Variants in IQGAP2 observed in about 807,000 individuals in gnomAD.
The protein encoded by IQGAP2 is IQ motif containing GTPase activating protein 2.
In IQGAP2, 173 loss-of-function variants were observed where a neutral mutation model predicts 201.3. That is an observed-to-expected ratio of 0.86 (90% CI 0.76 to 0.98). The LOEUF is 0.98. Ranked by LOEUF, IQGAP2 falls within the 50% of genes least tolerant of loss-of-function variation. IQGAP2 has a pLI of 0.00. For missense variants in IQGAP2, 1,687 were observed against 1,864.8 expected (o/e 0.90, Z 1.76); for synonymous variants, 675 against 673.9 (o/e 1.00, Z -0.03).
intron 32 of IQGAP2, among the ~76,000 whole-genome samples, chr5:76,696,461 T>C (rs1371864864): frequency 4.6e-5 from 7 of 152,246 alleles, no homozygotes; most frequent in Non-Finnish European, 8.8e-5. Context: ...TCACAGGAAG[T>C]GGCTGAGATC....
intron 13 of IQGAP2, among the ~76,000 whole-genome samples, chr5:76,619,104 T>G (rs563111334): frequency 8.5e-5 from 13 of 152,366 alleles, no homozygotes; most frequent in African/African-American, 3.1e-4. Flanking sequence ...TGGGCTATCA[T>G]GGGATCTGGG....
intron 2 of IQGAP2, among the ~76,000 whole-genome samples, chr5:76,558,742 T>C (rs1482815058): frequency 2.0e-5 from 3 of 152,184 alleles, no homozygotes; most frequent in Non-Finnish European, 4.4e-5. Context: ...CAAATTCTTA[T>C]CACCAACACC....
chr5:76,536,663 G>A (rs1759639298), intron 2 of IQGAP2, among the ~76,000 whole-genome samples: 1 of 151,816 alleles, frequency 6.6e-6, no homozygotes, highest in East Asian at 2.0e-4. Context: ...GGAGGCTGAG[G>A]CAGGGAGAAT....
chr5:76,488,155 C>G (rs1374522593), intron 2 of IQGAP2, among the ~76,000 whole-genome samples: 1 of 152,178 alleles, frequency 6.6e-6, no homozygotes, highest in South Asian at 2.1e-4. Flanking sequence ...TAGCAGTGAG[C>G]ACAGTTTCCT....
chr5:76,677,138 C>G, intron 27 of IQGAP2, 80 bp from the exon 28 acceptor site: 1 of 1,384,748 alleles, frequency 7.2e-7, no homozygotes, highest in Non-Finnish European at 9.9e-7. Context: ...TGTCATCATT[C>G]AAAATTTCCT....
intron 1 of IQGAP2, among the ~76,000 whole-genome samples, chr5:76,438,528 C>T (rs1013573683): frequency 6.6e-6 from 1 of 152,052 alleles, no homozygotes; most frequent in Admixed American, 6.6e-5. Flanking sequence ...CTGCAACCTC[C>T]ACCTCCCAGG....
intron 2 of IQGAP2, among the ~76,000 whole-genome samples, chr5:76,516,438 C>A (rs1037532915): frequency 1.3e-5 from 2 of 151,986 alleles, no homozygotes; most frequent in African/African-American, 4.8e-5. Context: ...AAACTTAAGT[C>A]AACTTGTGAT....
chr5:76,698,147 A>G lies in IQGAP2; in HGVS notation c.4367A>G (p.Lys1456Arg). ...ACTTGTTTAGACAACTTAAAAAGAAAGTAAGTTAAAATCATGTCATGTTCA... is the reference window on the plus strand; with the variant it reads ...ACTTGTTTAGACAACTTAAAAAGAAGGTAAGTTAAAATCATGTCATGTTCA... ...IKTCLDNLKR[K>R]NTRRSIKLDG... The change falls in exon 33 of 36, where the codon AAA (lysine) becomes AGA (arginine). Residue 1456 changes from lysine (K) to arginine (R), a missense_variant and splice_region_variant. Transcript: ENST00000274364. 1 of 1,566,206 alleles carries G rather than the reference A, an allele frequency of 6.4e-7. No individual in the cohort carries two copies. Among genetic ancestry groups the G allele is most frequent in the South Asian group, 1.1e-5 (1 of 87,862 alleles).
intron 2 of IQGAP2, among the ~76,000 whole-genome samples, chr5:76,486,498 A>G (rs543836985): frequency 2.6e-5 from 4 of 152,310 alleles, no homozygotes; most frequent in Middle Eastern, 3.4e-3. Flanking sequence ...CATAAATTTC[A>G]TCAATTTCAG....
intron 14 of IQGAP2, among the ~76,000 whole-genome samples, chr5:76,629,268 T>G (rs1355305748): frequency 1.3e-5 from 2 of 152,294 alleles, no homozygotes; most frequent in East Asian, 1.9e-4. Context: ...TTTTCTGACT[T>G]TCAACAAGAA....
At position 76,674,504 on chromosome 5, in the gene IQGAP2, T is replaced by G. The variant is rs1323114824; in HGVS notation, c.3322T>G (p.Tyr1108Asp). ...TGTTGGAAACCTCCTGTACTATCGG[T>G]ACATGAATCCAGCCATTGTAGCTCC... ...KIVGNLLYYR[Y>D]MNPAIVAPDG... is the part of the protein sequence containing the mutation. The change falls in exon 27 of 36, where the codon TAC becomes GAC. Residue 1108 changes from tyrosine to aspartate, a missense_variant. Coordinates refer to ENST00000274364, the MANE Select transcript of IQGAP2 (RefSeq NM_006633.5). 6.2e-7 allele frequency: 1 copy of G among 1,613,896 alleles called. No individual in the cohort carries two copies. The highest frequency in any genetic ancestry group is 1.1e-5 in the South Asian group (1 of 91,078).
chr5:76,657,132 A>C (rs542061658), intron 20 of IQGAP2, among the ~76,000 whole-genome samples: 1 of 152,370 alleles, frequency 6.6e-6, no homozygotes, highest in South Asian at 2.1e-4. Flanking sequence ...AATTCGAGCC[A>C]TAACAATTAG....
chr5:76,518,896 A>G (rs1580369282), intron 2 of IQGAP2, among the ~76,000 whole-genome samples: 1 of 152,278 alleles, frequency 6.6e-6, no homozygotes, highest in East Asian at 1.9e-4. Context: ...TTGAGTTTCA[A>G]GTTTTTGGCT....
intron 4 of IQGAP2, among the ~76,000 whole-genome samples, chr5:76,571,341 A>ATTTTTG (rs912378419): frequency 1.8e-4 from 27 of 151,884 alleles, no homozygotes; most frequent in African/African-American, 5.3e-4. Flanking sequence ...TGCCCAGCTA[A>ATTTTTG]TTTTTGTTTT....
intron 2 of IQGAP2, among the ~76,000 whole-genome samples, chr5:76,548,783 A>G (rs1743254774): frequency 6.6e-6 from 1 of 152,230 alleles, no homozygotes; most frequent in Non-Finnish European, 1.5e-5. Flanking sequence ...TGCCATTGGC[A>G]TTATCAGTAG....
Position 76,677,483 on chromosome 5 carries a change from G to A in IQGAP2, c.3660+133G>A, listed in dbSNP as rs779818938. The A allele has an allele frequency of 1.3e-5, 9 of 700,832 alleles. No individual in the cohort carries two copies. The South Asian group carries it at 1.7e-4, about 13-fold the overall frequency. The allele number at this position is 700,832 out of a possible 1,614,324, so 43.4% of individuals were successfully genotyped here. On this transcript the variant is annotated intron_variant, in intron 28 of 35. Transcript: ENST00000274364. ...TCATATTCTTAACCCTAAAAATCTCGCAATTATTTATTCCATGACTCTTAT... is the reference window on the plus strand; with the variant it reads ...TCATATTCTTAACCCTAAAAATCTCACAATTATTTATTCCATGACTCTTAT...
chr5:76,600,996 C>CT (rs1425755233), intron 11 of IQGAP2, 24 bp downstream of exon 11: 1 of 1,602,266 alleles, frequency 6.2e-7, no homozygotes, highest in Non-Finnish European at 8.5e-7. Flanking sequence ...TCCAAACCTT[C>CT]TTTCAATGCA....
intron 5 of IQGAP2, among the ~76,000 whole-genome samples, chr5:76,582,397 G>A (rs1192063614): frequency 6.6e-6 from 1 of 152,190 alleles, no homozygotes; most frequent in Non-Finnish European, 1.5e-5. Context: ...TCACAGATAA[G>A]GGAACTGAAA....
intron 2 of IQGAP2, among the ~76,000 whole-genome samples, chr5:76,478,650 C>T (rs769921449): frequency 1.3e-5 from 2 of 152,210 alleles, no homozygotes; most frequent in African/African-American, 4.8e-5. Context: ...ACAAATACCA[C>T]CATGCTACAA....
Sources: allele counts gnomAD v4.1 joint callset (sites outside exome capture counted in the v4.1 genomes callset), GRCh38; gene constraint gnomAD v4.1.1; transcripts MANE v1.5; gene names NCBI Gene and HGNC (gene_info 2026-07-23, HGNC 2026-07-21).